Variants in MAN1A1 observed in about 807,000 individuals in gnomAD.
MAN1A1 encodes the protein mannosyl-oligosaccharide 1,2-alpha-mannosidase IA.
MAN1A1 carries 29 observed loss-of-function variants against 70.8 expected under a neutral mutation model. The ratio of observed to expected loss-of-function variants is 0.41; its 90% CI spans 0.31 to 0.56. MAN1A1 has a LOEUF of 0.56. MAN1A1 is among the 20% of genes least tolerant of loss of function. MAN1A1 has a pLI of 0.29. For missense variants in MAN1A1, 747 were observed against 841.3 expected (o/e 0.89, Z 1.39); for synonymous variants, 349 against 330.1 (o/e 1.06, Z -0.62).
chr6:119,226,204 A>G (rs1029286734), intron 6 of MAN1A1, among the ~76,000 whole-genome samples: 1 of 152,208 alleles, frequency 6.6e-6, no homozygotes. Flanking sequence ...ATGAATACTA[A>G]AAATATTTGA....
intron 2 of MAN1A1, among the ~76,000 whole-genome samples, chr6:119,317,350 G>A (rs9489684): frequency 0.011 from 1,719 of 152,134 alleles, 37 homozygotes; most frequent in African/African-American, 0.04. Context: ...TAGTATCATA[G>A]AGTATTTTCA....
chr6:119,216,312 T>C (rs896050970), intron 6 of MAN1A1, among the ~76,000 whole-genome samples: 72 of 152,302 alleles, frequency 4.7e-4, no homozygotes, highest in Middle Eastern at 3.4e-3. Flanking sequence ...AATGATTGTA[T>C]AGGCAAAAGG....
At chr6:119,264,708 C>T (rs767706610) in intron 5 of MAN1A1, among the ~76,000 whole-genome samples, 2 of 152,192 alleles carry the variant, frequency 1.3e-5, no homozygotes, top group Non-Finnish European at 2.9e-5. Context: ...GAGTACTTTA[C>T]ACCACATTGA....
chr6:119,321,923 A>T (rs898807045), intron 2 of MAN1A1, among the ~76,000 whole-genome samples: 1 of 152,062 alleles, frequency 6.6e-6, no homozygotes, highest in Non-Finnish European at 1.5e-5. Context: ...CGGCCCTGCA[A>T]ATGTTTACTT....
chr6:119,223,934 T>C (rs1774435687), intron 6 of MAN1A1, among the ~76,000 whole-genome samples: 2 of 152,112 alleles, frequency 1.3e-5, no homozygotes, highest in Non-Finnish European at 2.9e-5. Context: ...GCATTAACCA[T>C]TGAAAGACAC....
At position 119,187,901 on chromosome 6, in the gene MAN1A1, A is replaced by G. The variant is rs115829345; in HGVS notation, c.1719+504T>C. 2.7e-3 allele frequency among the ~76,000 whole-genome samples: 411 copies of G among 152,340 alleles called. 4 individuals are homozygous for G. The highest frequency in any genetic ancestry group is 9.1e-3 in the African/African-American group (378 of 41,568). ...CACTGGGCAGATGGAAAGCTTATAG[A>G]TATTCCAAGAAACCTGAGACTGGTA... is the stretch of plus-strand genomic sequence containing the variant. On this transcript the variant is annotated intron_variant, in intron 11 of 12. Coordinates refer to ENST00000368468, the MANE Select transcript of MAN1A1 (RefSeq NM_005907.4).
intron 9 of MAN1A1, 104 bp downstream of exon 9, chr6:119,193,673 T>C: frequency 1.6e-6 from 1 of 639,244 alleles, no homozygotes; most frequent in Non-Finnish European, 2.7e-6. Flanking sequence ...TGGAAATACT[T>C]TGTAACTCAC....
chr6:119,349,022 C>T lies in MAN1A1; in HGVS notation c.44G>A (p.Gly15Asp). 7.3e-7 allele frequency: 1 copy of T among 1,364,692 alleles called. No individual in the cohort carries two copies. Among genetic ancestry groups the T allele is most frequent in the South Asian group, 1.9e-5 (1 of 53,300 alleles). 84.5% of individuals were successfully genotyped at this position (1,364,692 alleles called of 1,614,324 possible). A position where few individuals can be genotyped will look rare whatever the true frequency, so the allele number is the denominator to read the frequency against. ...GLLPLFSSPAGGVLGGGLGGG... is the reference protein window; with the variant it reads ...GLLPLFSSPADGVLGGGLGGG... ...GCCGAGCCCCCCGCCCAGGACGCCG[C>T]CCGCGGGGCTGCTGAAGAGCGGCAA... Residue 15 changes from glycine to aspartate, a missense_variant, in exon 2 of 13, where the codon GGC becomes GAC. By Grantham distance (94) the Gly-to-Asp change is moderately conservative (BLOSUM62 -1). Coordinates refer to ENST00000368468, the MANE Select transcript of MAN1A1 (RefSeq NM_005907.4).
chr6:119,281,971 A>G (rs1484603990), intron 5 of MAN1A1, among the ~76,000 whole-genome samples: 4 of 152,188 alleles, frequency 2.6e-5, no homozygotes, highest in Admixed American at 2.6e-4. Context: ...CTGAGGCAGG[A>G]GAATTGCCTG....
At chr6:119,240,954 T>C (rs952607550) in intron 6 of MAN1A1, among the ~76,000 whole-genome samples, 4 of 152,188 alleles carry the variant, frequency 2.6e-5, no homozygotes, top group African/African-American at 9.6e-5. Context: ...TTCTGCTTCA[T>C]TCTTCACAGT....
At chr6:119,233,254 C>T (rs768021525) in intron 6 of MAN1A1, among the ~76,000 whole-genome samples, 2 of 152,108 alleles carry the variant, frequency 1.3e-5, no homozygotes, top group South Asian at 2.1e-4. Flanking sequence ...ACATGAAAAC[C>T]ACCTAAGAAA....
intron 5 of MAN1A1, among the ~76,000 whole-genome samples, chr6:119,289,227 C>G (rs767957237): frequency 3.5e-4 from 53 of 151,698 alleles, no homozygotes; most frequent in Non-Finnish European, 6.6e-4. Flanking sequence ...CCTAATTGAG[C>G]CCAGACACAA....
At chr6:119,182,352 G>C (rs1773173729) in intron 11 of MAN1A1, among the ~76,000 whole-genome samples, 1 of 152,068 alleles carries the variant, frequency 6.6e-6, no homozygotes, top group South Asian at 2.1e-4. Flanking sequence ...AAACTTTTTA[G>C]TTTGATGTAG....
Position 119,349,007 on chromosome 6 carries a change from C to T in MAN1A1, c.59G>A (p.Gly20Glu). The T allele has an allele frequency of 1.4e-6, 2 of 1,389,848 alleles. No homozygotes were observed. The highest frequency in any genetic ancestry group is 1.9e-6 in the Non-Finnish European group (2 of 1,068,440). 86.1% of individuals were successfully genotyped at this position (1,389,848 alleles called of 1,614,324 possible). Residue 20 changes from glycine (G) to glutamate (E), a missense_variant, in exon 2 of 13, where the codon GGG (glycine) becomes GAG (glutamate). Transcript: ENST00000368468. ...CCTGCCACCGCCGCCGCCGAGCCCCCCGCCCAGGACGCCGCCCGCGGGGCT... is the reference window on the plus strand; with the variant it reads ...CCTGCCACCGCCGCCGCCGAGCCCCTCGCCCAGGACGCCGCCCGCGGGGCT... Reference protein sequence around the residue: ...FSSPAGGVLGGGLGGGGGRKG... With the variant: ...FSSPAGGVLGEGLGGGGGRKG...
chr6:119,210,756 C>A, intron 6 of MAN1A1: 1 of 194,578 alleles, frequency 5.1e-6, no homozygotes, highest in South Asian at 8.7e-5. Context: ...TACAAAGATG[C>A]CAGCTGGAAG....
chr6:119,325,482 C>T (rs1355756225), intron 2 of MAN1A1, among the ~76,000 whole-genome samples: 3 of 152,116 alleles, frequency 2.0e-5, no homozygotes, highest in African/African-American at 7.2e-5. Context: ...ACATGTGAAG[C>T]CCCGTCTCTA....
chr6:119,217,027 A>G (rs1210197938), intron 6 of MAN1A1, among the ~76,000 whole-genome samples: 1 of 152,228 alleles, frequency 6.6e-6, no homozygotes, highest in Admixed American at 6.5e-5. Context: ...ATAAAATCCT[A>G]CAAGTCTAAT....
At chr6:119,185,717 C>T (rs898855141) in intron 11 of MAN1A1, among the ~76,000 whole-genome samples, 7 of 152,032 alleles carry the variant, frequency 4.6e-5, no homozygotes, top group Non-Finnish European at 8.8e-5. Context: ...GCTGGGACTA[C>T]AGGCGCCCGC....
intron 11 of MAN1A1, among the ~76,000 whole-genome samples, chr6:119,184,264 G>A (rs1773229289): frequency 6.6e-6 from 1 of 152,172 alleles, no homozygotes; most frequent in African/African-American, 2.4e-5. Context: ...CCTTGGTTTT[G>A]AGTAAATGCT....
Sources: gnomAD v4.1 joint callset for allele counts (sites outside exome capture counted in the v4.1 genomes callset) on GRCh38, gnomAD v4.1.1 for gene constraint, MANE v1.5 for transcripts, NCBI Gene and HGNC (gene_info 2026-07-23, HGNC 2026-07-21) for gene names.